Variants in NEDD4 observed in about 807,000 individuals in gnomAD.
NEDD4 encodes E3 ubiquitin-protein ligase NEDD4.
In NEDD4, 99 loss-of-function variants were observed where a neutral mutation model predicts 144.9. That is an observed-to-expected ratio of 0.68 (90% CI 0.58 to 0.81). The LOEUF (loss-of-function observed/expected upper bound fraction) is 0.81. NEDD4 is among the 30% of genes least tolerant of loss of function. The pLI, the probability that NEDD4 is intolerant of heterozygous loss-of-function variation, is 0.00. For missense variants in NEDD4, 985 were observed against 1,065.9 expected (o/e 0.92, Z 1.06); for synonymous variants, 318 against 350.6 (o/e 0.91, Z 1.04).
At chr15:55,848,940 A>C in intron 14 of NEDD4, 54 bp from the exon 15 acceptor site, 2 of 1,376,940 alleles carry the variant, frequency 1.5e-6, no homozygotes, top group Non-Finnish European at 2.1e-6. Flanking sequence ...AAATAATCAA[A>C]GTCAGTCTGT....
At chr15:55,938,642 A>G (rs1480052335) in intron 4 of NEDD4, among the ~76,000 whole-genome samples, 1 of 152,166 alleles carries the variant, frequency 6.6e-6, no homozygotes, top group African/African-American at 2.4e-5. Context: ...GCTATATGAC[A>G]AAAGAAACAA....
At chr15:55,916,661 T>A in intron 5 of NEDD4, 1 of 1,614,068 alleles carries the variant, frequency 6.2e-7, no homozygotes, top group South Asian at 1.1e-5. Context: ...ACGGAGCTAG[T>A]GCAGTCTGTC....
At chr15:55,890,616 A>G (rs1396823327) in intron 5 of NEDD4, among the ~76,000 whole-genome samples, 2 of 152,194 alleles carry the variant, frequency 1.3e-5, no homozygotes, top group Non-Finnish European at 2.9e-5. Context: ...CTGTTTGGCT[A>G]TTATAAATAA....
At chr15:55,892,458 T>TTCAA (rs1408975092) in intron 5 of NEDD4, among the ~76,000 whole-genome samples, 1 of 151,988 alleles carries the variant, frequency 6.6e-6, no homozygotes, top group African/African-American at 2.4e-5. Context: ...AACTTTTTGT[T>TTCAA]TCAATCATGC....
chr15:55,898,515 G>A (rs1172845113), intron 5 of NEDD4, among the ~76,000 whole-genome samples: 3 of 151,792 alleles, frequency 2.0e-5, no homozygotes, highest in African/African-American at 7.3e-5. Context: ...TCAACACTCT[G>A]ATCCTTCTTT....
chr15:55,883,695 AAACACACACAC>A (rs2035281719), intron 5 of NEDD4, among the ~76,000 whole-genome samples: 5 of 122,310 alleles, frequency 4.1e-5, no homozygotes, highest in Admixed American at 3.4e-4. Context: ...ACACACACAC[AAACACACACAC>A]ACACACACAC....
At chr15:55,867,379 T>A (rs949565448) in intron 8 of NEDD4, among the ~76,000 whole-genome samples, 1 of 152,300 alleles carries the variant, frequency 6.6e-6, no homozygotes, top group African/African-American at 2.4e-5. Context: ...CACTGAGACA[T>A]GAGACCGCAA....
In NEDD4 at chr15:55,846,971, GCTTCTTCAAC is replaced by G; in HGVS notation, c.1596_1605del (p.Lys532AsnfsTer11). 6.3e-7 allele frequency: 1 copy of G among 1,591,042 alleles called. No individual in the cohort carries two copies. On this transcript the variant is annotated frameshift_variant, in exon 18 of 29. Coordinates refer to ENST00000435532, the MANE Select transcript of NEDD4 (RefSeq NM_006154.4). LOFTEE classifies it high-confidence loss of function. ...TATTTATTATAAACATGACTAACCT[GCTTCTTCAAC>G]TTTCTTCGGAAGAACTCATACTTTC...
intron 27 of NEDD4, among the ~76,000 whole-genome samples, 194 bp from the exon 28 acceptor site, chr15:55,830,780 G>C (rs1474064118): frequency 1.3e-5 from 2 of 152,140 alleles, no homozygotes; most frequent in Non-Finnish European, 2.9e-5. Context: ...GCTCACTGTA[G>C]CCTCAAGCTC....
chr15:55,866,495 G>T (rs1426384964), intron 8 of NEDD4, among the ~76,000 whole-genome samples: 2 of 151,934 alleles, frequency 1.3e-5, no homozygotes, highest in African/African-American at 4.8e-5. Flanking sequence ...ACTCTTTTGA[G>T]AAAATATAAA....
intron 4 of NEDD4, among the ~76,000 whole-genome samples, chr15:55,939,650 C>A (rs1301585315): frequency 6.6e-6 from 1 of 152,096 alleles, no homozygotes. Context: ...AAAACCACAC[C>A]TGTTAGGATG....
intron 5 of NEDD4, among the ~76,000 whole-genome samples, chr15:55,892,750 T>A (rs1370577633): frequency 6.6e-6 from 1 of 152,196 alleles, no homozygotes; most frequent in Non-Finnish European, 1.5e-5. Context: ...GACATAGTGT[T>A]ATGCAGCTTG....
At chr15:55,975,476 T>G (rs574467172) in intron 1 of NEDD4, among the ~76,000 whole-genome samples, 1 of 152,288 alleles carries the variant, frequency 6.6e-6, no homozygotes, top group Admixed American at 6.5e-5. Flanking sequence ...CATTTTTATA[T>G]GCCAACAGTG....
chr15:55,984,060 C>G (rs1050135888), intron 1 of NEDD4, among the ~76,000 whole-genome samples: 1 of 152,128 alleles, frequency 6.6e-6, no homozygotes, highest in Non-Finnish European at 1.5e-5. Flanking sequence ...CCCTGACCCA[C>G]GTGCCTGATA....
Position 55,906,625 on chromosome 15 carries a change from C to A in NEDD4, c.291+18021G>T, listed in dbSNP as rs1226630921. ...AGAAGGGGAACATCACACACCGGGG[C>A]CTGTTGTGGGGTGGGGGGCTGGGGG... On this transcript the variant is annotated intron_variant, in intron 5 of 28. Coordinates refer to ENST00000435532, the MANE Select transcript of NEDD4 (RefSeq NM_006154.4). Among the ~76,000 whole-genome samples the A allele has an allele frequency of 1.3e-4, 20 of 149,040 alleles. 4 individuals are homozygous for A. The highest frequency in any genetic ancestry group is 4.9e-4 in the African/African-American group (20 of 40,460).
chr15:55,953,896 A>C (rs2037290582), intron 2 of NEDD4, among the ~76,000 whole-genome samples: 1 of 152,150 alleles, frequency 6.6e-6, no homozygotes, highest in South Asian at 2.1e-4. Context: ...AATGTTTTGT[A>C]TTTTAAGTAG....
chr15:55,841,959 A>C lies in NEDD4; in HGVS notation c.1813T>G (p.Tyr605Asp). 1 of 1,613,828 alleles carries C rather than the reference A, an allele frequency of 6.2e-7. No homozygotes were observed. Among genetic ancestry groups the C allele is most frequent in the Non-Finnish European group, 8.5e-7 (1 of 1,179,710 alleles). ...GTAGCAGAATATTCAAACAACCCAT[A>C]ATAAGGGTTAAACATTTCCTTTGAG... ...LISKEMFNPY[Y>D]GLFEYSATDN... is the part of the protein sequence containing the mutation. Residue 605 changes from tyrosine (Y) to aspartate (D), a missense_variant, in exon 19 of 29, where the codon TAT (tyrosine) becomes GAT (aspartate). Coordinates refer to ENST00000435532, the MANE Select transcript of NEDD4 (RefSeq NM_006154.4).
intron 5 of NEDD4, among the ~76,000 whole-genome samples, chr15:55,907,098 T>TA (rs1310923449): frequency 4.9e-5 from 7 of 142,264 alleles, no homozygotes; most frequent in South Asian, 4.4e-4. Context: ...GTCTCAAAAA[T>TA]AAAAAAAAAT....
At chr15:55,977,672 CA>C (rs1461703148) in intron 1 of NEDD4, among the ~76,000 whole-genome samples, 12 of 151,368 alleles carry the variant, frequency 7.9e-5, no homozygotes, top group African/African-American at 2.9e-4. Flanking sequence ...AATTGAAAAC[CA>C]GAGAGGAAAT....
Sources: gnomAD v4.1 joint callset for allele counts (sites outside exome capture counted in the v4.1 genomes callset) on GRCh38, gnomAD v4.1.1 for gene constraint, MANE v1.5 for transcripts, NCBI Gene and HGNC (gene_info 2026-07-23, HGNC 2026-07-21) for gene names.